Variants in GALNT2 observed in about 807,000 individuals in gnomAD.
GALNT2 encodes the protein UDP-GalNAc:polypeptide N-acetylgalactosaminyltransferase 2.
GALNT2 carries 31 observed loss-of-function variants against 81.4 expected under a neutral mutation model. The ratio of observed to expected loss-of-function variants is 0.38; its 90% CI spans 0.29 to 0.51. GALNT2 has a LOEUF of 0.51. Ranked by LOEUF, GALNT2 falls within the 20% of genes least tolerant of loss-of-function variation. GALNT2 has a pLI of 0.87. For missense variants in GALNT2, 629 were observed against 765.7 expected, an observed-to-expected ratio of 0.82 and a Z score of 2.11; for synonymous variants, 303 against 287.4, an observed-to-expected ratio of 1.05 and a Z score of -0.55.
At chr1:230,160,335 G>C (rs1254765501) in intron 1 of GALNT2, among the ~76,000 whole-genome samples, 1 of 152,330 alleles carries the variant, frequency 6.6e-6, no homozygotes, top group Admixed American at 6.5e-5. Flanking sequence ...GCCTTAGGAA[G>C]GGCGTTGGAC....
rs543646253 is a variant in GALNT2, at chr1:230,124,947, T to C, written c.127-53271T>C. Reference sequence around the variant, plus strand: ...CTCCAAACACTGGAGGAGCACACCCTGGTGTCTGCACCGCTGGCTGTTTTC... The same window carrying C: ...CTCCAAACACTGGAGGAGCACACCCCGGTGTCTGCACCGCTGGCTGTTTTC... On this transcript the variant is annotated intron_variant, in intron 1 of 15. Coordinates refer to ENST00000366672, the MANE Select transcript of GALNT2 (RefSeq NM_004481.5). 2.6e-5 allele frequency among the ~76,000 whole-genome samples: 4 copies of C among 152,332 alleles called. No homozygotes were observed. The East Asian group carries it at 7.7e-4, about 29-fold the overall frequency.
At chr1:230,065,887 C>T (rs1475601706), upstream of GALNT2, among the ~76,000 whole-genome samples, 1 of 152,176 alleles carries the variant, frequency 6.6e-6, no homozygotes, top group Admixed American at 6.5e-5. Flanking sequence ...CCTCTCACCT[C>T]TTGTCCCATT....
chr1:230,180,817 A>G (rs895318230), intron 2 of GALNT2, among the ~76,000 whole-genome samples: 8 of 152,196 alleles, frequency 5.3e-5, no homozygotes, highest in Non-Finnish European at 1.2e-4. Flanking sequence ...TACAGAATTT[A>G]TACATATTTT....
intron 3 of GALNT2, among the ~76,000 whole-genome samples, chr1:230,208,173 T>TTC (rs369598522): frequency 5.9e-5 from 9 of 151,892 alleles, no homozygotes; most frequent in African/African-American, 1.7e-4. Context: ...TGTTTGTTTT[T>TTC]TCTCTCTCTC....
chr1:230,239,176 T>A (rs1665121800), intron 6 of GALNT2, among the ~76,000 whole-genome samples: 1 of 152,246 alleles, frequency 6.6e-6, no homozygotes, highest in Non-Finnish European at 1.5e-5. Context: ...ATTTTGGTAA[T>A]TTATATCTTC....
At chr1:230,074,646 C>T (rs970919750) in intron 1 of GALNT2, among the ~76,000 whole-genome samples, 1 of 152,224 alleles carries the variant, frequency 6.6e-6, no homozygotes, top group Non-Finnish European at 1.5e-5. Context: ...TGTAATGAGA[C>T]TGCCTTTCTG....
At chr1:230,092,132 C>T (rs187763843) in intron 1 of GALNT2, 42 of 143,606 alleles carry the variant, frequency 2.9e-4, no homozygotes, top group African/African-American at 9.2e-4. Context: ...ATGAGATAGA[C>T]GTATTATATT....
rs555612284 is a variant in GALNT2, at chr1:230,166,185, G to A, written c.127-12033G>A. On this transcript the variant is annotated intron_variant, in intron 1 of 15. Coordinates refer to ENST00000366672, the MANE Select transcript of GALNT2 (RefSeq NM_004481.5). ...AAGACAATCCTTATAGGGTTTTGGG[G>A]TAATAGTCACACAGCTAATAGCTGC... is the stretch of plus-strand genomic sequence containing the variant. Among the ~76,000 whole-genome samples, 26 of 152,250 alleles carry A rather than the reference G, an allele frequency of 1.7e-4. No homozygotes were observed. The South Asian group carries it at 5.2e-3, about 30-fold the overall frequency.
At chr1:230,110,251 G>A (rs1354855874) in intron 1 of GALNT2, among the ~76,000 whole-genome samples, 1 of 152,214 alleles carries the variant, frequency 6.6e-6, no homozygotes, top group Non-Finnish European at 1.5e-5. Context: ...CTCCTCACCT[G>A]TGTTTTTCCT....
intron 1 of GALNT2, among the ~76,000 whole-genome samples, chr1:230,159,907 TG>T (rs1662378299): frequency 6.6e-6 from 1 of 152,194 alleles, no homozygotes; most frequent in Non-Finnish European, 1.5e-5. Context: ...GTTCCTACTC[TG>T]GAGGAGTCAG....
At chr1:230,094,885 G>A (rs1660205715) in intron 1 of GALNT2, among the ~76,000 whole-genome samples, 2 of 152,116 alleles carry the variant, frequency 1.3e-5, no homozygotes, top group Admixed American at 1.3e-4. Flanking sequence ...GACAGGAAGC[G>A]GATTCCGATA....
In GALNT2 at chr1:230,236,653, T is replaced by C. The variant is rs1428303343; in HGVS notation, c.542-7T>C. The C allele has an allele frequency of 1.2e-6, 2 of 1,608,246 alleles. No homozygotes were observed. The highest frequency in any genetic ancestry group is 2.7e-5 in the African/African-American group (2 of 74,248). On this transcript the variant is annotated splice_polypyrimidine_tract_variant and splice_region_variant and intron_variant, in intron 5 of 15. Coordinates refer to ENST00000366672, the MANE Select transcript of GALNT2 (RefSeq NM_004481.5). ...TTCAAAATGCTCTGCTTCTTTTCTT[T>C]TCCTAGCTGAGGACGGGGCTCTCTT... is the stretch of plus-strand genomic sequence containing the variant.
chr1:230,220,455 T>A (rs770019693), intron 3 of GALNT2, among the ~76,000 whole-genome samples: 1 of 151,988 alleles, frequency 6.6e-6, no homozygotes, highest in Non-Finnish European at 1.5e-5. Context: ...TAAAGGGAGT[T>A]GAAACTCCCG....
chr1:230,117,686 T>G (rs1660887491), intron 1 of GALNT2, among the ~76,000 whole-genome samples: 1 of 152,200 alleles, frequency 6.6e-6, no homozygotes, highest in Non-Finnish European at 1.5e-5. Flanking sequence ...CCAAAATGAT[T>G]AGTATCATCA....
At chr1:230,212,271 G>A (rs980634128) in intron 3 of GALNT2, among the ~76,000 whole-genome samples, 12 of 152,220 alleles carry the variant, frequency 7.9e-5, no homozygotes, top group Admixed American at 3.9e-4. Context: ...TCATACTCCC[G>A]GCTTTTAGGC....
chr1:230,078,999 C>T (rs1350372226), intron 1 of GALNT2, among the ~76,000 whole-genome samples: 1 of 152,092 alleles, frequency 6.6e-6, no homozygotes, highest in East Asian at 1.9e-4. Flanking sequence ...TTGACTACAC[C>T]CTTCTCATTT....
chr1:230,065,483 G>A (rs1659151609), upstream of GALNT2, among the ~76,000 whole-genome samples: 1 of 152,020 alleles, frequency 6.6e-6, no homozygotes. Flanking sequence ...TTTGACATGT[G>A]GTATTACAAT....
chr1:230,106,747 G>T (rs561177201), intron 1 of GALNT2, among the ~76,000 whole-genome samples: 7 of 147,564 alleles, frequency 4.7e-5, no homozygotes, highest in African/African-American at 1.3e-4. Flanking sequence ...CAGGCAGTGC[G>T]TGCTGGTGAG....
At chr1:230,238,660 G>A (rs1665104532) in intron 6 of GALNT2, among the ~76,000 whole-genome samples, 1 of 152,056 alleles carries the variant, frequency 6.6e-6, no homozygotes. Context: ...TGTTAATATG[G>A]TGAAATACAT....
Sources: allele counts gnomAD v4.1 joint callset (sites outside exome capture counted in the v4.1 genomes callset), GRCh38; gene constraint gnomAD v4.1.1; transcripts MANE v1.5; gene names NCBI Gene and HGNC (gene_info 2026-07-23, HGNC 2026-07-21).